GHR: variants seen among roughly 807,000 people sequenced by gnomAD.
The protein encoded by GHR is growth hormone receptor.
In GHR, 35 loss-of-function variants were observed where a neutral mutation model predicts 67.1. That is an observed-to-expected ratio of 0.52 (90% CI 0.40 to 0.69). GHR has a LOEUF of 0.69. Among genes scored for constraint, GHR ranks in the 30% least tolerant of loss-of-function variants. GHR has a pLI of 0.00. For missense variants in GHR, 792 were observed against 764.6 expected (o/e 1.04, Z -0.42); for synonymous variants, 272 against 269.1 (o/e 1.01, Z -0.10).
At chr5:42,475,076 G>A (rs1461095726) in intron 1 of GHR, among the ~76,000 whole-genome samples, 2 of 151,746 alleles carry the variant, frequency 1.3e-5, no homozygotes, top group Non-Finnish European at 2.9e-5. Flanking sequence ...TAGTGACGGG[G>A]TTTCACCACG....
intron 2 of GHR, among the ~76,000 whole-genome samples, chr5:42,602,389 ACT>A (rs1752421700): frequency 6.6e-6 from 1 of 151,988 alleles, no homozygotes; most frequent in African/African-American, 2.4e-5. Context: ...CTTACCTTTT[ACT>A]GTATGTATGT....
At chr5:42,593,460 G>C (rs1305408757) in intron 2 of GHR, among the ~76,000 whole-genome samples, 1 of 152,182 alleles carries the variant, frequency 6.6e-6, no homozygotes, top group African/African-American at 2.4e-5. Flanking sequence ...AGCATTTATA[G>C]AGTCCTGCCT....
intron 1 of GHR, among the ~76,000 whole-genome samples, chr5:42,491,345 G>A (rs1746105439): frequency 6.6e-6 from 1 of 152,228 alleles, no homozygotes; most frequent in South Asian, 2.1e-4. Context: ...AGTGGTGGGT[G>A]TAAAACACAG....
At chr5:42,429,403 A>C (rs192204586) in intron 1 of GHR, among the ~76,000 whole-genome samples, 1 of 152,208 alleles carries the variant, frequency 6.6e-6, no homozygotes, top group Non-Finnish European at 1.5e-5. Context: ...ACACAGCAAA[A>C]CCATATTACT....
intron 3 of GHR, among the ~76,000 whole-genome samples, chr5:42,642,966 A>C (rs1754552894): frequency 6.6e-6 from 1 of 152,132 alleles, no homozygotes; most frequent in Non-Finnish European, 1.5e-5. Context: ...GTCTCTTTTA[A>C]GGACACCTAT....
chr5:42,671,405 A>G (rs1756289708), intron 3 of GHR, among the ~76,000 whole-genome samples: 1 of 151,862 alleles, frequency 6.6e-6, no homozygotes, highest in Non-Finnish European at 1.5e-5. Context: ...CCATGATTCA[A>G]ACACCTCCCA....
intron 3 of GHR, among the ~76,000 whole-genome samples, chr5:42,662,541 T>C (rs1755704012): frequency 6.6e-6 from 1 of 152,168 alleles, no homozygotes; most frequent in South Asian, 2.1e-4. Context: ...GAAATAAAGA[T>C]GTTCTTTGAA....
At chr5:42,562,623 G>C (rs1749673581) in intron 1 of GHR, among the ~76,000 whole-genome samples, 2 of 143,766 alleles carry the variant, frequency 1.4e-5, no homozygotes, top group African/African-American at 2.6e-5. Flanking sequence ...TGTTCAGCTT[G>C]TAAAGGAAGT....
intron 1 of GHR, among the ~76,000 whole-genome samples, chr5:42,504,105 A>C (rs1746653118): frequency 6.6e-6 from 1 of 152,198 alleles, no homozygotes; most frequent in African/African-American, 2.4e-5. Flanking sequence ...TTCTTTGAGC[A>C]TAGCTGTAAT....
intron 2 of GHR, among the ~76,000 whole-genome samples, chr5:42,581,400 C>G (rs919710528): frequency 3.3e-5 from 5 of 152,200 alleles, no homozygotes; most frequent in African/African-American, 1.2e-4. Context: ...GCAGTCCACA[C>G]TGTAGAAATC....
intron 2 of GHR, among the ~76,000 whole-genome samples, chr5:42,598,887 T>C (rs1752219541): frequency 6.6e-6 from 1 of 152,226 alleles, no homozygotes; most frequent in African/African-American, 2.4e-5. Context: ...ACAAGTTTCT[T>C]GAGAACATTT....
chr5:42,539,802 C>G (rs571120921), intron 1 of GHR, among the ~76,000 whole-genome samples: 1 of 152,202 alleles, frequency 6.6e-6, no homozygotes, highest in South Asian at 2.1e-4. Flanking sequence ...AATTTTCTCT[C>G]CCAACAAGAT....
At chr5:42,642,391 T>C (rs1181163686) in intron 3 of GHR, among the ~76,000 whole-genome samples, 3 of 152,068 alleles carry the variant, frequency 2.0e-5, no homozygotes, top group Non-Finnish European at 4.4e-5. Context: ...CCTCAAGGCA[T>C]AACACAAAAA....
chr5:42,640,080 G>A (rs913546216), intron 3 of GHR, among the ~76,000 whole-genome samples: 1 of 152,106 alleles, frequency 6.6e-6, no homozygotes, highest in African/African-American at 2.4e-5. Flanking sequence ...GAGAGCAGTA[G>A]ATGCATTTTC....
At chr5:42,567,899 A>G (rs988540307) in intron 2 of GHR, among the ~76,000 whole-genome samples, 6 of 152,018 alleles carry the variant, frequency 3.9e-5, no homozygotes, top group African/African-American at 1.2e-4. Flanking sequence ...AGTCTCAGAT[A>G]ATATTTATGG....
chr5:42,551,374 G>T (rs1749025360), intron 1 of GHR, among the ~76,000 whole-genome samples: 1 of 152,182 alleles, frequency 6.6e-6, no homozygotes. Flanking sequence ...TGGACGTGGT[G>T]ATATTTGAAC....
chr5:42,507,923 G>C (rs1036496991), intron 1 of GHR, among the ~76,000 whole-genome samples: 2 of 152,184 alleles, frequency 1.3e-5, no homozygotes, highest in African/African-American at 2.4e-5. Context: ...GAGTCAGCCC[G>C]CAGCAGTCAG....
chr5:42,512,328 G>A (rs886103302), intron 1 of GHR, among the ~76,000 whole-genome samples: 3 of 152,092 alleles, frequency 2.0e-5, no homozygotes, highest in Admixed American at 1.3e-4. Context: ...TTTCTGAGGT[G>A]TTCAGGGAAT....
intron 2 of GHR, among the ~76,000 whole-genome samples, chr5:42,617,359 A>G (rs1753206909): frequency 6.7e-6 from 1 of 149,504 alleles, no homozygotes; most frequent in Admixed American, 6.7e-5. Context: ...CTTCAGTGGC[A>G]CTAGCTGCTG....
Sources: allele counts gnomAD v4.1 joint callset (sites outside exome capture counted in the v4.1 genomes callset), GRCh38; gene constraint gnomAD v4.1.1; transcripts MANE v1.5; gene names NCBI Gene and HGNC (gene_info 2026-07-23, HGNC 2026-07-21).